The following NBPF15 variants were observed in gnomAD, a reference collection of about 807,000 sequenced individuals.
The protein encoded by NBPF15 is NBPF family member NBPF15.
Under a neutral mutation model 62.2 loss-of-function variants are expected in NBPF15, and 74 were observed. That is an observed-to-expected ratio of 1.19 (90% CI 0.99 to 1.44). The LOEUF (loss-of-function observed/expected upper bound fraction) is 1.44. Among genes scored for constraint, NBPF15 ranks in the 40% most tolerant of loss-of-function variants. The pLI, the probability that NBPF15 is intolerant of heterozygous loss-of-function variation, is 0.00. For synonymous variants in NBPF15, 244 were observed against 209.7 expected (o/e 1.16, Z -1.41); for missense variants, 790 against 550.0 (o/e 1.44, Z -4.36).
intron 20 of NBPF15, 39 bp from the exon 21 acceptor site, chr1:144,424,014 A>G (rs1157348071): frequency 5.2e-6 from 4 of 762,752 alleles, no homozygotes; most frequent in Non-Finnish European, 9.6e-6. Context: ...CATTAAGCTG[A>G]TTCCCCTACA....
chr1:144,445,348 TATATATAC>T (rs1487314061), intron 6 of NBPF15, among the ~76,000 whole-genome samples: 115 of 130,098 alleles, frequency 8.8e-4, no homozygotes, highest in African/African-American at 3.1e-3. Context: ...TATATATATA[TATATATAC>T]ACACACACAC....
chr1:144,434,753 G>T (rs1280586676), intron 12 of NBPF15, among the ~76,000 whole-genome samples: 1 of 151,912 alleles, frequency 6.6e-6, no homozygotes, highest in Non-Finnish European at 1.5e-5. Flanking sequence ...AAGGCTGCCA[G>T]CTTCCTTAAA....
At position 144,445,385 on chromosome 1, in the gene NBPF15, T is replaced by TTG. The variant is rs1185284190; in HGVS notation, c.-191+3388_-191+3389dup. The stretch of plus-strand genomic sequence containing the variant: ...CACACACACACACACACACACACGT[T>TTG]TGTGTGTGTGTGTGTATACATATAT... On this transcript the variant is annotated intron_variant, in intron 6 of 21. Coordinates refer to ENST00000581897, the MANE Select transcript of NBPF15 (RefSeq NM_001385408.1). 7.1e-5 allele frequency among the ~76,000 whole-genome samples: 9 copies of TTG among 126,206 alleles called. No homozygotes were observed. In the East Asian group the frequency reaches 7.2e-4, roughly 10 times the overall value. 82.8% of individuals were successfully genotyped at this position (126,206 alleles called of 152,430 possible).
At chr1:144,451,707 C>T (rs1163040649) in intron 4 of NBPF15, among the ~76,000 whole-genome samples, 5 of 151,280 alleles carry the variant, frequency 3.3e-5, no homozygotes, top group Non-Finnish European at 5.9e-5. Flanking sequence ...GTTGACACAG[C>T]CCATGTCTTA....
Position 144,444,896 on chromosome 1 carries a change from G to A in NBPF15, c.-191+3879C>T, listed in dbSNP as rs1268921059. ...ACACAGTGTGTAAATTCCTAGGAAG[G>A]GAATGACTGTCTATCTGATTTGTGT... On this transcript the variant is annotated intron_variant, in intron 6 of 21. Transcript: ENST00000581897. Among the ~76,000 whole-genome samples, 39 of 152,002 alleles carry A rather than the reference G, an allele frequency of 2.6e-4. No homozygotes were observed. In the East Asian group the frequency reaches 6.8e-3, roughly 26 times the overall value.
chr1:144,430,186 TG>T (rs1157177090), intron 13 of NBPF15, among the ~76,000 whole-genome samples: 3 of 138,862 alleles, frequency 2.2e-5, no homozygotes, highest in Non-Finnish European at 4.7e-5. Flanking sequence ...TTGCATAAAT[TG>T]GGTTGAATTT....
intron 6 of NBPF15, among the ~76,000 whole-genome samples, chr1:144,447,235 G>A (rs3105219): frequency 4.2e-4 from 64 of 152,170 alleles, no homozygotes; most frequent in African/African-American, 1.2e-3. Context: ...TTACACGCAC[G>A]CCGCTGTTCC....
intron 15 of NBPF15, 79 bp from the exon 16 acceptor site, chr1:144,428,069 C>A: frequency 1.3e-6 from 1 of 780,010 alleles, no homozygotes; most frequent in Non-Finnish European, 2.4e-6. Flanking sequence ...TCATGGCTAA[C>A]ATAAGGAAGA....
rs782379547 is a variant in NBPF15, at chr1:144,423,285, A to G, written c.1770-29T>C. ...GAAAAGGAGACAAAACTAAAGAAGCAGCCAGGGAAAATCAGACACCACAGA... is the reference window on the plus strand; with the variant it reads ...GAAAAGGAGACAAAACTAAAGAAGCGGCCAGGGAAAATCAGACACCACAGA... On this transcript the variant is annotated intron_variant, in intron 21 of 21. Coordinates refer to ENST00000581897, the MANE Select transcript of NBPF15 (RefSeq NM_001385408.1). 3.1e-6 allele frequency: 5 copies of G among 1,611,550 alleles called. No individual in the cohort carries two copies. In the South Asian group the frequency reaches 5.5e-5, roughly 18 times the overall value.
At position 144,456,814 on chromosome 1, in the gene NBPF15, T is replaced by C. The variant is rs1436393052; in HGVS notation, c.-700-9A>G. 2 of 357,056 alleles carry C rather than the reference T, an allele frequency of 5.6e-6. No homozygotes were observed. Among genetic ancestry groups the C allele is most frequent in the South Asian group, 1.1e-4 (1 of 8,754 alleles). 22.1% of individuals were successfully genotyped at this position (357,056 alleles called of 1,614,324 possible). A position where few individuals can be genotyped will look rare whatever the true frequency, so the allele number is the denominator to read the frequency against. On this transcript the variant is annotated splice_polypyrimidine_tract_variant and intron_variant, in intron 3 of 21. Coordinates refer to ENST00000581897, the MANE Select transcript of NBPF15 (RefSeq NM_001385408.1). ...ATTTGCTTTCAGATTGCCTATGAGA[T>C]AAAAGAGAGAAATCATGGTTAATAT... is the stretch of plus-strand genomic sequence containing the variant.
chr1:144,439,337 T>C (rs1451541724), intron 8 of NBPF15, among the ~76,000 whole-genome samples: 4 of 151,808 alleles, frequency 2.6e-5, no homozygotes, highest in African/African-American at 7.3e-5. Flanking sequence ...CTATTAGGAG[T>C]AGACTCCTCT....
chr1:144,456,463 C>T lies in NBPF15; in HGVS notation c.-432+74G>A, dbSNP rs1168962146. ...CGATGTTTAGGGCCCTTGGCATCTTCCCTTCACATCTGAGTCATAATAGAA... is the reference window on the plus strand; with the variant it reads ...CGATGTTTAGGGCCCTTGGCATCTTTCCTTCACATCTGAGTCATAATAGAA... On this transcript the variant is annotated intron_variant, in intron 4 of 21. Coordinates refer to ENST00000581897, the MANE Select transcript of NBPF15 (RefSeq NM_001385408.1). 30 of 1,008,816 alleles carry T rather than the reference C, an allele frequency of 3.0e-5. No individual in the cohort carries two copies. In the Admixed American group the frequency reaches 6.6e-4, roughly 22 times the overall value. The allele number at this position is 1,008,816 out of a possible 1,614,324, so 62.5% of individuals were successfully genotyped here.
chr1:144,434,387 G>T (rs1230793640), intron 12 of NBPF15, among the ~76,000 whole-genome samples: 1 of 147,948 alleles, frequency 6.8e-6, no homozygotes, highest in African/African-American at 2.5e-5. Context: ...TGTGGTCCCA[G>T]CAACTCAGGA....
At chr1:144,434,519 A>G (rs1433720458) in intron 12 of NBPF15, among the ~76,000 whole-genome samples, 1 of 143,766 alleles carries the variant, frequency 7.0e-6, no homozygotes, top group Non-Finnish European at 1.5e-5. Flanking sequence ...AAAAAAAAAA[A>G]AATCCACGAT....
At chr1:144,437,247 T>C (rs1679194477) in intron 9 of NBPF15, 138 bp from the exon 10 acceptor site, 1 of 886,320 alleles carries the variant, frequency 1.1e-6, no homozygotes, top group Non-Finnish European at 1.9e-6. Context: ...AAGGAATGTC[T>C]GTGGCCAAGA....
chr1:144,443,467 T>C, intron 6 of NBPF15, among the ~76,000 whole-genome samples: 1 of 151,166 alleles, frequency 6.6e-6, no homozygotes, highest in Non-Finnish European at 1.5e-5. Context: ...ATTTTGAAAC[T>C]AGCTTTCAAA....
rs1195975472 is a variant in NBPF15 at position 144,423,161 on chromosome 1, G to A, written c.1865C>T (p.Pro622Leu). ...YSTPSMYFEQ[P>L]DSFQHYRSVF... Reference sequence around the variant, plus strand: ...ACTTCTGTAGTGCTGGAATGAGTCAGGTTGTTCAAAGTACATTGACGGAGT... The same window carrying A: ...ACTTCTGTAGTGCTGGAATGAGTCAAGTTGTTCAAAGTACATTGACGGAGT... Residue 622 changes from proline to leucine, a missense_variant, in exon 22 of 22, where the codon CCT (proline) becomes CTT (leucine). Coordinates refer to ENST00000581897, the MANE Select transcript of NBPF15 (RefSeq NM_001385408.1). 6.8e-6 allele frequency: 11 copies of A among 1,611,466 alleles called. No homozygotes were observed. In the African/African-American group the frequency reaches 1.5e-4, roughly 22 times the overall value.
chr1:144,457,245 A>T (rs587637109), intron 3 of NBPF15, among the ~76,000 whole-genome samples: 1 of 152,058 alleles, frequency 6.6e-6, no homozygotes, highest in Non-Finnish European at 1.5e-5. Context: ...GTGAACAAGA[A>T]TTCGATTCTT....
intron 17 of NBPF15, 57 bp downstream of exon 17, chr1:144,426,990 A>G (rs1405097718): frequency 4.0e-6 from 3 of 749,806 alleles, no homozygotes; most frequent in East Asian, 4.9e-5. Flanking sequence ...TTTTCCCTGG[A>G]CCTGGCATCT....
Sources: allele counts gnomAD v4.1 joint callset (sites outside exome capture counted in the v4.1 genomes callset), GRCh38; gene constraint gnomAD v4.1.1; transcripts MANE v1.5; gene names NCBI Gene and HGNC (gene_info 2026-07-23, HGNC 2026-07-21).